The following ITGB1 variants were observed in gnomAD, a reference collection of about 807,000 sequenced individuals.
ITGB1 encodes the protein integrin beta-1.
Under a neutral mutation model 86.5 loss-of-function variants are expected in ITGB1, and 24 were observed. The observed-to-expected ratio is 0.28, with a 90% CI of 0.20 to 0.39. ITGB1 has a LOEUF of 0.39. Among genes scored for constraint, ITGB1 ranks in the 10% least tolerant of loss-of-function variants. The probability of loss-of-function intolerance (pLI) is 1.00; values close to 1 mark genes in which losing one functional copy is unlikely to be tolerated. For missense variants in ITGB1, 556 were observed against 946.9 expected (o/e 0.59, Z 5.42); for synonymous variants, 323 against 316.8 (o/e 1.02, Z -0.21).
At chr10:32,942,913 G>A (rs1244889954) in intron 1 of ITGB1, among the ~76,000 whole-genome samples, 1 of 152,020 alleles carries the variant, frequency 6.6e-6, no homozygotes, top group Admixed American at 6.6e-5. Context: ...TGGTGGAAGT[G>A]GGGGCCAGGG....
At chr10:32,922,940 C>T (rs1565824590) in intron 7 of ITGB1, among the ~76,000 whole-genome samples, 1 of 152,094 alleles carries the variant, frequency 6.6e-6, no homozygotes, top group African/African-American at 2.4e-5. Flanking sequence ...TTTCAAATAA[C>T]AGTATCAAAT....
intron 1 of ITGB1, among the ~76,000 whole-genome samples, chr10:32,940,911 A>G (rs370393690): frequency 6.6e-6 from 1 of 152,174 alleles, no homozygotes; most frequent in African/African-American, 2.4e-5. Flanking sequence ...TCTTCAGACA[A>G]CTCTGTCAGG....
chr10:32,919,296 T>A (rs2094941457), intron 11 of ITGB1, among the ~76,000 whole-genome samples: 1 of 152,244 alleles, frequency 6.6e-6, no homozygotes, highest in Admixed American at 6.5e-5. Flanking sequence ...TTTTTCATTT[T>A]CAATTACAAA....
intron 3 of ITGB1, among the ~76,000 whole-genome samples, chr10:32,931,691 G>A (rs2094983896): frequency 6.6e-6 from 1 of 152,026 alleles, no homozygotes; most frequent in African/African-American, 2.4e-5. Context: ...CGACATATCT[G>A]ACACTTGACC....
intron 11 of ITGB1, among the ~76,000 whole-genome samples, chr10:32,914,260 T>C (rs953567904): frequency 1.4e-4 from 22 of 152,274 alleles, no homozygotes; most frequent in African/African-American, 4.3e-4. Context: ...CATCAGCTAA[T>C]GAGCAAAATA....
At chr10:32,906,493 G>A (rs2094896787) in intron 15 of ITGB1, 1 of 226,264 alleles carries the variant, frequency 4.4e-6, no homozygotes, top group Non-Finnish European at 9.4e-6. Context: ...GGGAGGCTGA[G>A]GCAGGAGAAT....
chr10:32,937,145 T>C (rs2095004651), intron 1 of ITGB1, among the ~76,000 whole-genome samples: 1 of 152,228 alleles, frequency 6.6e-6, no homozygotes, highest in South Asian at 2.1e-4. Context: ...TTCAGTATAG[T>C]ACTCTAGTAT....
At chr10:32,913,276 C>T (rs978265625) in intron 11 of ITGB1, among the ~76,000 whole-genome samples, 2 of 152,164 alleles carry the variant, frequency 1.3e-5, no homozygotes. Context: ...AAGAAATGCA[C>T]CTCCTCACCA....
chr10:32,920,217 T>C (rs1422832960), intron 10 of ITGB1, 28 bp downstream of exon 10: 1 of 1,602,146 alleles, frequency 6.2e-7, no homozygotes, highest in Non-Finnish European at 8.5e-7. Context: ...ACCAATGTTT[T>C]CTACAGAAAA....
intron 5 of ITGB1, among the ~76,000 whole-genome samples, chr10:32,926,378 C>A (rs1172296979): frequency 6.6e-6 from 1 of 152,168 alleles, no homozygotes; most frequent in African/African-American, 2.4e-5. Flanking sequence ...TCTGTCCCCG[C>A]CCAAGTCTCA....
intron 8 of ITGB1, 72 bp downstream of exon 8, chr10:32,922,568 C>A: frequency 1.0e-6 from 1 of 988,730 alleles, no homozygotes; most frequent in Non-Finnish European, 1.5e-6. Context: ...TCCCACATTT[C>A]AATTCAGACA....
At chr10:32,904,376 G>T (rs2094890639) in intron 15 of ITGB1, among the ~76,000 whole-genome samples, 1 of 152,160 alleles carries the variant, frequency 6.6e-6, no homozygotes, top group South Asian at 2.1e-4. Flanking sequence ...CTCTGGAATG[G>T]CTGACAGTGG....
intron 1 of ITGB1, among the ~76,000 whole-genome samples, chr10:32,948,325 G>A (rs2095036043): frequency 1.3e-5 from 2 of 151,908 alleles, no homozygotes; most frequent in African/African-American, 2.4e-5. Flanking sequence ...AAATATTTAA[G>A]GTAGTAAATG....
At chr10:32,933,455 G>C (rs1477088436) in intron 2 of ITGB1, 1 of 152,146 alleles carries the variant, frequency 6.6e-6, no homozygotes, top group African/African-American at 2.4e-5. Context: ...TATGTTCAAA[G>C]TATGTTTTAG....
intron 1 of ITGB1, among the ~76,000 whole-genome samples, chr10:32,940,788 C>G (rs927178692): frequency 1.2e-4 from 19 of 152,186 alleles, no homozygotes; most frequent in African/African-American, 4.3e-4. Context: ...AGAAGTACAT[C>G]GGTTTACTAC....
At chr10:32,911,731 A>G (rs1421715277) in intron 12 of ITGB1, 61 bp from the exon 13 acceptor site, 1 of 1,560,290 alleles carries the variant, frequency 6.4e-7, no homozygotes, top group African/African-American at 1.4e-5. Flanking sequence ...TATTGACTGA[A>G]AAGTAAAATA....
At chr10:32,954,535 T>C (rs867179622) in intron 1 of ITGB1, among the ~76,000 whole-genome samples, 23 of 152,326 alleles carry the variant, frequency 1.5e-4, no homozygotes, top group Middle Eastern at 3.4e-3. Flanking sequence ...CATGTACTTC[T>C]ACAGCAATAT....
At chr10:32,940,441 T>A (rs926028042) in intron 1 of ITGB1, among the ~76,000 whole-genome samples, 4 of 152,224 alleles carry the variant, frequency 2.6e-5, no homozygotes. Flanking sequence ...ATTTAGATGC[T>A]ATGCGTTTAT....
chr10:32,924,365 T>C (rs74645497), intron 6 of ITGB1, among the ~76,000 whole-genome samples: 10,444 of 152,342 alleles, frequency 0.069, 467 homozygotes, highest in African/African-American at 0.12. Context: ...CTGTAAAATC[T>C]TCTTGTCACT....
Sources: allele counts gnomAD v4.1 joint callset (sites outside exome capture counted in the v4.1 genomes callset), GRCh38; gene constraint gnomAD v4.1.1; transcripts MANE v1.5; gene names NCBI Gene and HGNC (gene_info 2026-07-23, HGNC 2026-07-21).